Variants in PPFIBP2 observed in about 807,000 individuals in gnomAD.
PPFIBP2 encodes the protein PPFIB scaffold protein 2, also known as liprin-beta-2.
PPFIBP2 carries 118 observed loss-of-function variants against 118.3 expected under a neutral mutation model. That is an observed-to-expected ratio of 1.00 (90% CI 0.86 to 1.16). The LOEUF is 1.16. Among genes scored for constraint, PPFIBP2 ranks in the 50% most tolerant of loss-of-function variants. The pLI is 0.00. For missense variants in PPFIBP2, 1,195 were observed against 1,073.1 expected (o/e 1.11, Z -1.59); for synonymous variants, 414 against 397.4 (o/e 1.04, Z -0.50).
chr11:7,625,653 T>C, intron 7 of PPFIBP2, 124 bp from the exon 8 acceptor site: 2 of 719,380 alleles, frequency 2.8e-6, no homozygotes, highest in East Asian at 2.6e-5. Flanking sequence ...CTGCTCCTGC[T>C]CACCTCTTCT....
At chr11:7,665,966 A>G in the PPFIBP2 span, 1 of 1,512,918 alleles carries the variant, frequency 6.6e-7, no homozygotes. Context: ...TACAGCCGGG[A>G]GCAGTGTGAG....
downstream of PPFIBP2, chr11:7,655,485 T>C (rs1046823355): frequency 3.1e-6 from 4 of 1,289,662 alleles, no homozygotes; most frequent in Non-Finnish European, 4.0e-6. Flanking sequence ...TCCCAAGACA[T>C]TCACCGCCTT....
At chr11:7,665,543 C>T in the PPFIBP2 span, 1 of 1,600,890 alleles carries the variant, frequency 6.2e-7, no homozygotes, top group Non-Finnish European at 8.5e-7. Context: ...GCTGTACTTC[C>T]AGCCTGAAAT....
intron 1 of PPFIBP2, among the ~76,000 whole-genome samples, chr11:7,544,917 C>A (rs1205433913): frequency 6.6e-6 from 1 of 152,046 alleles, no homozygotes; most frequent in Non-Finnish European, 1.5e-5. Flanking sequence ...GAGCTTGGTG[C>A]ACTTAAGCCC....
chr11:7,576,170 C>G (rs1243064748), intron 3 of PPFIBP2, among the ~76,000 whole-genome samples: 1 of 152,224 alleles, frequency 6.6e-6, no homozygotes, highest in Non-Finnish European at 1.5e-5. Flanking sequence ...CCAGGAAACC[C>G]CGGAGGTGAC....
At chr11:7,618,885 G>GTTTTTTTTTTTTTTTTTTTTTT (rs36101082) in intron 6 of PPFIBP2, among the ~76,000 whole-genome samples, 1 of 124,552 alleles carries the variant, frequency 8.0e-6, no homozygotes, top group Non-Finnish European at 1.6e-5. Context: ...CCATCCAGAA[G>GTTTTTTTTTTTTTTTTTTTTTT]TTTTTTTTTT....
intron 1 of PPFIBP2, among the ~76,000 whole-genome samples, chr11:7,518,047 TC>T (rs1229960196): frequency 5.3e-5 from 8 of 152,344 alleles, no homozygotes; most frequent in African/African-American, 1.7e-4. Context: ...CTAGGAGGCT[TC>T]TGTGTGGAGC....
intron 3 of PPFIBP2, among the ~76,000 whole-genome samples, chr11:7,574,434 A>G (rs542406839): frequency 6.1e-4 from 93 of 152,308 alleles, no homozygotes; most frequent in Middle Eastern, 3.4e-3. Flanking sequence ...GGGAGTAACT[A>G]CCTCGGCCAA....
rs754953889 is a variant in PPFIBP2 at position 7,651,729 on chromosome 11, G to A, written c.2321G>A (p.Arg774Lys). 9 of 1,614,098 alleles carry A rather than the reference G, an allele frequency of 5.6e-6. No individual in the cohort carries two copies. The highest frequency in any genetic ancestry group is 7.6e-6 in the Non-Finnish European group (9 of 1,179,926). ...LNIPPQKTLL[R>K]RHLTTKFNAL... is the part of the protein sequence containing the mutation. ...ATCCCCCCACAAAAGACGCTCCTCA[G>A]GCGCCACCTGACCACCAAGTTCAAT... Residue 774 changes from arginine (R) to lysine (K), a missense_variant, in exon 23 of 24, where the codon AGG (arginine) becomes AAG (lysine). Coordinates refer to ENST00000299492, the MANE Select transcript of PPFIBP2 (RefSeq NM_003621.5).
chr11:7,572,377 C>A (rs1454723125), intron 3 of PPFIBP2, among the ~76,000 whole-genome samples: 2 of 152,170 alleles, frequency 1.3e-5, no homozygotes, highest in Non-Finnish European at 2.9e-5. Context: ...GGATCTTGAT[C>A]CCTGCCCCCC....
chr11:7,546,520 C>A (rs529042138), intron 1 of PPFIBP2, among the ~76,000 whole-genome samples: 4 of 152,306 alleles, frequency 2.6e-5, no homozygotes, highest in Non-Finnish European at 4.4e-5. Context: ...GGGTTTGACA[C>A]CCTGTCATGT....
intron 2 of PPFIBP2, among the ~76,000 whole-genome samples, chr11:7,562,971 ATATAT>A: frequency 1.7e-5 from 2 of 121,088 alleles, no homozygotes; most frequent in East Asian, 2.2e-4. Context: ...ATATATATAT[ATATAT>A]ACACGCACAC....
At chr11:7,548,708 G>A (rs1379546492) in intron 1 of PPFIBP2, among the ~76,000 whole-genome samples, 1 of 152,124 alleles carries the variant, frequency 6.6e-6, no homozygotes, top group Non-Finnish European at 1.5e-5. Context: ...CTATAGCTAG[G>A]GGATACAGCA....
At chr11:7,578,908 G>T (rs549137408) in intron 3 of PPFIBP2, among the ~76,000 whole-genome samples, 9 of 152,256 alleles carry the variant, frequency 5.9e-5, no homozygotes, top group African/African-American at 1.9e-4. Flanking sequence ...AGCCCATGTG[G>T]CTGAGCACAG....
chr11:7,576,638 G>A (rs1856369501), intron 3 of PPFIBP2: 1 of 152,534 alleles, frequency 6.6e-6, no homozygotes, highest in Non-Finnish European at 1.5e-5. Flanking sequence ...GTAGCCCAGA[G>A]TGGGGGACAG....
Position 7,517,927 on chromosome 11 carries a change from G to C in PPFIBP2, c.-37+3806G>C, listed in dbSNP as rs544983818. Among the ~76,000 whole-genome samples the C allele has an allele frequency of 3.2e-3, 494 of 152,340 alleles. 1 individual carries two copies. The highest frequency in any genetic ancestry group is 0.011 in the African/African-American group (475 of 41,566). On this transcript the variant is annotated intron_variant, in intron 1 of 23. Coordinates refer to ENST00000299492, the MANE Select transcript of PPFIBP2 (RefSeq NM_003621.5). ...CGCTCATAGTCCGACTTCCAGTGGG[G>C]TCCTCCGCAGAGGGGGCACGGCCTG...
Position 7,565,784 on chromosome 11 carries a change from C to A in PPFIBP2, c.279+17C>A. On this transcript the variant is annotated intron_variant, in intron 3 of 23. Transcript: ENST00000299492. ...GAGAGCTTGGTGAGTAGTCCCGTGGCCTGATTGGGAACCACTGGGGAATGT... is the reference window on the plus strand; with the variant it reads ...GAGAGCTTGGTGAGTAGTCCCGTGGACTGATTGGGAACCACTGGGGAATGT... The A allele has an allele frequency of 6.2e-7, 1 of 1,612,242 alleles. No individual in the cohort carries two copies. Among genetic ancestry groups the A allele is most frequent in the Non-Finnish European group, 8.5e-7 (1 of 1,178,570 alleles).
intron 1 of PPFIBP2, among the ~76,000 whole-genome samples, chr11:7,548,086 A>G (rs1431514609): frequency 1.3e-5 from 2 of 152,220 alleles, no homozygotes; most frequent in Non-Finnish European, 2.9e-5. Context: ...CATAATTTTA[A>G]TCATGACATC....
intron 7 of PPFIBP2, among the ~76,000 whole-genome samples, chr11:7,624,398 G>T (rs1849714666): frequency 6.6e-6 from 1 of 152,240 alleles, no homozygotes; most frequent in Non-Finnish European, 1.5e-5. Context: ...GCTGATCAGG[G>T]TGCGTGCTCA....
Sources: gnomAD v4.1 joint callset for allele counts (sites outside exome capture counted in the v4.1 genomes callset) on GRCh38, gnomAD v4.1.1 for gene constraint, MANE v1.5 for transcripts, NCBI Gene and HGNC (gene_info 2026-07-23, HGNC 2026-07-21) for gene names.